GSE1: variants seen among roughly 807,000 people sequenced by gnomAD.
GSE1 encodes the protein Gse1 coiled-coil protein.
In GSE1, 32 loss-of-function variants were observed where a neutral mutation model predicts 112.6. That is an observed-to-expected ratio of 0.28 (90% CI 0.21 to 0.38). The LOEUF is 0.38. Ranked by LOEUF, GSE1 falls within the 10% of genes least tolerant of loss-of-function variation. The pLI is 1.00. For missense variants in GSE1, 2,348 were observed against 1,699.2 expected, an observed-to-expected ratio of 1.38 and a Z score of -6.71; for synonymous variants, 1,115 against 735.6, an observed-to-expected ratio of 1.52 and a Z score of -8.35.
At chr16:85,551,734 A>G (rs2044925435), upstream of GSE1, among the ~76,000 whole-genome samples, 2 of 152,338 alleles carry the variant, frequency 1.3e-5, no homozygotes, top group Admixed American at 1.3e-4. Context: ...TCCAGGGCCA[A>G]AGGAGGCTGG....
At position 85,334,811 on chromosome 16, in the gene GSE1, C is replaced by G. The variant is rs554420453; in HGVS notation, c.2284-22652C>G. On this transcript the variant is annotated intron_variant, in intron 1 of 2. Transcript: ENST00000637419. ...TCTGAGAAACTGCGGAGCCAGGAGTCGCTCTGAAAAGCTGTCCTTTTGTAA... is the reference window on the plus strand; with the variant it reads ...TCTGAGAAACTGCGGAGCCAGGAGTGGCTCTGAAAAGCTGTCCTTTTGTAA... 1.1e-3 allele frequency among the ~76,000 whole-genome samples: 162 copies of G among 152,200 alleles called. 4 individuals are homozygous for G. Among genetic ancestry groups the G allele is most frequent in the Non-Finnish European group, 3.7e-4 (25 of 68,044 alleles).
intron 2 of GSE1, among the ~76,000 whole-genome samples, chr16:85,427,170 A>T (rs1358252927): frequency 6.6e-6 from 1 of 152,208 alleles, no homozygotes; most frequent in East Asian, 1.9e-4. Context: ...CCGCAGGTTC[A>T]GGCAAATTCA....
chr16:85,666,434 A>G (rs2052866764), intron 13 of GSE1, 87 bp downstream of exon 13: 1 of 1,294,150 alleles, frequency 7.7e-7, no homozygotes, highest in South Asian at 1.3e-5. Flanking sequence ...TCAGCCGTTC[A>G]GCCGTGGGCA....
At position 85,362,887 on chromosome 16, in the gene GSE1, G is replaced by C. The variant is rs1015396974; in HGVS notation, c.2464+5244G>C. Among the ~76,000 whole-genome samples, 8 of 145,370 alleles carry C rather than the reference G, an allele frequency of 5.5e-5. No individual in the cohort carries two copies. The South Asian group carries it at 1.8e-3, about 32-fold the overall frequency. On this transcript the variant is annotated intron_variant, in intron 2 of 2. Coordinates refer to the GSE1 transcript ENST00000637419. ...GTCTCACTCTGTCGCCCAAGCTGGA[G>C]TGCAGTGACATGATCTTGGCTCACT... is the stretch of plus-strand genomic sequence containing the variant.
intron 1 of GSE1, among the ~76,000 whole-genome samples, chr16:85,262,762 A>G (rs561199469): frequency 8.5e-5 from 13 of 152,292 alleles, no homozygotes; most frequent in African/African-American, 2.9e-4. Flanking sequence ...GAAATTGGGT[A>G]TGGGAGTGAT....
At chr16:85,240,017 C>G (rs983427146) in intron 1 of GSE1, among the ~76,000 whole-genome samples, 4 of 152,212 alleles carry the variant, frequency 2.6e-5, no homozygotes, top group African/African-American at 9.6e-5. Context: ...GTAGAACAAC[C>G]CTGGCTCAAG....
chr16:85,189,562 A>G (rs2074780390), intron 1 of GSE1, among the ~76,000 whole-genome samples: 1 of 152,234 alleles, frequency 6.6e-6, no homozygotes. Flanking sequence ...CACAGTAAAT[A>G]AAAGTTCTAA....
At chr16:85,208,795 C>T (rs577223327) in intron 1 of GSE1, among the ~76,000 whole-genome samples, 25 of 151,042 alleles carry the variant, frequency 1.7e-4, no homozygotes, top group Non-Finnish European at 2.5e-4. Context: ...TGTTGGGGTT[C>T]GCCTGTGTTG....
At chr16:85,485,710 C>T (rs1167196660) in intron 2 of GSE1, among the ~76,000 whole-genome samples, 2 of 152,244 alleles carry the variant, frequency 1.3e-5, no homozygotes, top group African/African-American at 2.4e-5. Flanking sequence ...GCCGGCTGTG[C>T]ATCAGTGTGC....
chr16:85,271,069 C>A (rs902610057), intron 1 of GSE1, among the ~76,000 whole-genome samples: 11 of 152,242 alleles, frequency 7.2e-5, no homozygotes, highest in African/African-American at 2.2e-4. Flanking sequence ...TTCTGTGGCC[C>A]AGCAGCCCAC....
chr16:85,562,045 T>C (rs569358781), intron 1 of GSE1, among the ~76,000 whole-genome samples: 5 of 152,334 alleles, frequency 3.3e-5, no homozygotes, highest in African/African-American at 1.2e-4. Context: ...TAGCAAACCA[T>C]AGCTGTGGCG....
chr16:85,527,750 GCCCACAC>G (rs1435614594), intron 2 of GSE1, among the ~76,000 whole-genome samples: 3 of 152,256 alleles, frequency 2.0e-5, no homozygotes, highest in Non-Finnish European at 2.9e-5. Context: ...GCACGGGCTT[GCCCACAC>G]CGATGGACGT....
At chr16:85,638,785 C>T (rs1195637269) in intron 2 of GSE1, among the ~76,000 whole-genome samples, 1 of 148,636 alleles carries the variant, frequency 6.7e-6, no homozygotes, top group East Asian at 2.1e-4. Context: ...CCCCGTCCTA[C>T]CCCTGTGACC....
intron 2 of GSE1, among the ~76,000 whole-genome samples, chr16:85,541,336 G>A (rs2044510319): frequency 6.6e-6 from 1 of 152,200 alleles, no homozygotes; most frequent in Non-Finnish European, 1.5e-5. Flanking sequence ...GGGCCTTCCC[G>A]AGGGACTTTC....
chr16:85,272,295 T>C (rs914318762), intron 1 of GSE1, among the ~76,000 whole-genome samples: 2 of 152,226 alleles, frequency 1.3e-5, no homozygotes, highest in African/African-American at 4.8e-5. Flanking sequence ...CGTTTTTCCA[T>C]GTCTGAAGGA....
At chr16:85,219,108 G>A (rs1214212771) in intron 1 of GSE1, among the ~76,000 whole-genome samples, 2 of 152,028 alleles carry the variant, frequency 1.3e-5, no homozygotes, top group East Asian at 1.9e-4. Flanking sequence ...CTTGATCTCC[G>A]GACTCATGAT....
chr16:85,295,524 T>A (rs1597320868), intron 1 of GSE1, among the ~76,000 whole-genome samples: 1 of 152,048 alleles, frequency 6.6e-6, no homozygotes, highest in Non-Finnish European at 1.5e-5. Flanking sequence ...ATGCAGAAGG[T>A]CTTGTGTGAA....
At chr16:85,613,726 CGGGGGGA>C (rs1463495758) in intron 1 of GSE1, among the ~76,000 whole-genome samples, 1 of 45,700 alleles carries the variant, frequency 2.2e-5, no homozygotes, top group Non-Finnish European at 4.7e-5. Context: ...ATGGGGGTGG[CGGGGGGA>C]GTCTCCGAGA....
intron 1 of GSE1, among the ~76,000 whole-genome samples, chr16:85,258,870 A>T (rs9922374): frequency 6.6e-6 from 1 of 151,966 alleles, no homozygotes; most frequent in Non-Finnish European, 1.5e-5. Flanking sequence ...TGTTCTGCCC[A>T]TTGTTCTGCC....
Sources: gnomAD v4.1 joint callset for allele counts (sites outside exome capture counted in the v4.1 genomes callset) on GRCh38, gnomAD v4.1.1 for gene constraint, MANE v1.5 for transcripts, NCBI Gene and HGNC (gene_info 2026-07-23, HGNC 2026-07-21) for gene names.